ISOC1: variants seen among roughly 807,000 people sequenced by gnomAD.
ISOC1 encodes isochorismatase domain containing 1.
In ISOC1, 33 loss-of-function variants were observed where a neutral mutation model predicts 30.0. That is an observed-to-expected ratio of 1.10 (90% CI 0.83 to 1.47). The LOEUF (loss-of-function observed/expected upper bound fraction) is 1.47. Ranked by LOEUF, ISOC1 falls within the 40% of genes most tolerant of loss-of-function variation. The pLI, the probability that ISOC1 is intolerant of heterozygous loss-of-function variation, is 0.00. For synonymous variants in ISOC1, 178 were observed against 159.8 expected (o/e 1.11, Z -0.86); for missense variants, 372 against 388.0 (o/e 0.96, Z 0.35).
chr5:129,095,094 C>G lies in ISOC1; in HGVS notation c.309+19C>G, dbSNP rs759203970. 3 of 1,526,036 alleles carry G rather than the reference C, an allele frequency of 2.0e-6. No individual in the cohort carries two copies. The African/African-American group carries it at 4.2e-5, about 21-fold the overall frequency. 94.5% of individuals were successfully genotyped at this position (1,526,036 alleles called of 1,614,324 possible). A position where few individuals can be genotyped will look rare whatever the true frequency, so the allele number is the denominator to read the frequency against. The stretch of plus-strand genomic sequence containing the variant: ...GATCCAGGTGGGTCCTGCGGGAGGC[C>G]GCGCGCTTCCCTGTTCCCGAGTCGT... On this transcript the variant is annotated intron_variant, in intron 1 of 4. Coordinates refer to ENST00000173527, the MANE Select transcript of ISOC1 (RefSeq NM_016048.2).
At chr5:129,099,857 A>G (rs560660189) in intron 1 of ISOC1, among the ~76,000 whole-genome samples, 25 of 152,348 alleles carry the variant, frequency 1.6e-4, no homozygotes, top group African/African-American at 5.5e-4. Context: ...TGATGTAGAT[A>G]CTATTTTTCT....
chr5:129,095,105 C>T, intron 1 of ISOC1, 30 bp downstream of exon 1: 1 of 1,515,182 alleles, frequency 6.6e-7, no homozygotes, highest in Non-Finnish European at 8.8e-7. Context: ...GCGCGCTTCC[C>T]TGTTCCCGAG....
At position 129,107,020 on chromosome 5, in the gene ISOC1, C is replaced by A; in HGVS notation, c.708C>A (p.Ala236=). The change falls in exon 4 of 5, where the codon GCC becomes GCA. Residue 236 remains alanine (A), a synonymous_variant. Coordinates refer to ENST00000173527, the MANE Select transcript of ISOC1 (RefSeq NM_016048.2). The part of the protein sequence containing the change: ...RGVEVHIVAD[A]TSSRSMMDRM... ...TCGAGGTTCACATTGTTGCTGATGC[C>A]ACCTCATCAAGAAGCATGATGGACA... The A allele has an allele frequency of 6.2e-7, 1 of 1,613,794 alleles. No homozygotes were observed. The highest frequency in any genetic ancestry group is 8.5e-7 in the Non-Finnish European group (1 of 1,179,804).
chr5:129,112,886 CG>C lies in ISOC1; in HGVS notation c.783del (p.Ser262ValfsTer9), dbSNP rs1561424657. On this transcript the variant is annotated frameshift_variant, in exon 5 of 5. Transcript: ENST00000173527. LOFTEE classifies it high-confidence loss of function. ...GCTCGAACCGGGATCATAGTGACCA[CG>C]AGTGAGGCTGTTCTGCTTCAGCTGG... is the stretch of plus-strand genomic sequence containing the variant. ...RLARTGIIVTTSEAVLLQLVA... is the reference protein window; with the variant it reads ...RLARTGIIVTXSEAVLLQLVA... 1 of 1,613,542 alleles carries C rather than the reference CG, an allele frequency of 6.2e-7. No homozygotes were observed. Among genetic ancestry groups the C allele is most frequent in the South Asian group, 1.1e-5 (1 of 91,020 alleles).
chr5:129,103,481 A>G (rs141097517), intron 1 of ISOC1, among the ~76,000 whole-genome samples: 2 of 152,324 alleles, frequency 1.3e-5, no homozygotes, highest in African/African-American at 4.8e-5. Context: ...CTCACATTCT[A>G]ACATGAATTT....
chr5:129,105,426 T>C (rs2287751), intron 3 of ISOC1, 38 bp downstream of exon 3: 305,863 of 1,529,566 alleles, frequency 0.2, 31,320 homozygotes, highest in South Asian at 0.24. Context: ...ACAATATTAT[T>C]TATAGAAAAC....
intron 4 of ISOC1, among the ~76,000 whole-genome samples, chr5:129,111,991 T>A (rs993835589): frequency 6.6e-6 from 1 of 152,190 alleles, no homozygotes; most frequent in Admixed American, 6.5e-5. Flanking sequence ...AGAGCTCTTT[T>A]AGCACCAGTC....
chr5:129,109,032 C>CT (rs1375975265), intron 4 of ISOC1, among the ~76,000 whole-genome samples: 8 of 152,200 alleles, frequency 5.3e-5, no homozygotes, highest in Non-Finnish European at 1.0e-4. Context: ...TAAAAAAGGA[C>CT]TTTTTTCAAG....
intron 1 of ISOC1, 38 bp from the exon 2 acceptor site, chr5:129,104,918 C>T (rs531240333): frequency 1.9e-6 from 3 of 1,599,858 alleles, no homozygotes; most frequent in South Asian, 2.2e-5. Context: ...TGTCATTGTA[C>T]AACAAGTGCT....
intron 1 of ISOC1, among the ~76,000 whole-genome samples, chr5:129,095,293 C>T (rs2150169224): frequency 6.6e-6 from 1 of 152,354 alleles, no homozygotes; most frequent in African/African-American, 2.4e-5. Flanking sequence ...CTGTCCCCGG[C>T]GGGGGCGTGG....
In ISOC1 at chr5:129,095,129, C is replaced by CGTCCCT. The variant is rs1038168367; in HGVS notation, c.309+60_309+65dup. 6.9e-6 allele frequency: 10 copies of CGTCCCT among 1,458,760 alleles called. No individual in the cohort carries two copies. In the African/African-American group the frequency reaches 1.1e-4, roughly 17 times the overall value. 90.4% of individuals were successfully genotyped at this position (1,458,760 alleles called of 1,614,324 possible). On this transcript the variant is annotated intron_variant, in intron 1 of 4. Transcript: ENST00000173527. The stretch of plus-strand genomic sequence containing the variant: ...CCTGTTCCCGAGTCGTCCCCGTCCC[C>CGTCCCT]GTCCCTGTCCCCGCCTTCGCCGCGC...
Position 129,095,052 on chromosome 5 carries a change from C to G in ISOC1, c.286C>G (p.Arg96Gly), listed in dbSNP as rs1234635542. The stretch of plus-strand genomic sequence containing the variant: ...CGCGGTGAGCGAGCGCTGCAAGGTG[C>G]GCCTCGTGCCGTTGCAGATCCAGGT... The part of the protein sequence containing the change: ...GFAVSERCKV[R>G]LVPLQIQLTT... Residue 96 changes from arginine to glycine, a missense_variant, in exon 1 of 5, where the codon CGC becomes GGC. By Grantham distance (125) the Arg-to-Gly change is moderately radical (BLOSUM62 -2). Transcript: ENST00000173527. 1 of 1,582,754 alleles carries G rather than the reference C, an allele frequency of 6.3e-7. No homozygotes were observed. Among genetic ancestry groups the G allele is most frequent in the South Asian group, 1.1e-5 (1 of 88,234 alleles).
chr5:129,111,288 G>GT (rs530351044), intron 4 of ISOC1, among the ~76,000 whole-genome samples: 110 of 151,350 alleles, frequency 7.3e-4, no homozygotes, highest in Middle Eastern at 3.4e-3. Flanking sequence ...GTTTTATTTT[G>GT]TTTTTTTTAA....
intron 4 of ISOC1, among the ~76,000 whole-genome samples, chr5:129,110,723 T>C (rs1407034237): frequency 6.6e-6 from 1 of 152,176 alleles, no homozygotes; most frequent in East Asian, 1.9e-4. Context: ...GTGCTGGGCA[T>C]TGTAGACAGG....
chr5:129,111,348 G>T (rs538676407), intron 4 of ISOC1, among the ~76,000 whole-genome samples: 1 of 151,722 alleles, frequency 6.6e-6, no homozygotes, highest in Non-Finnish European at 1.5e-5. Context: ...TTTCTGTACT[G>T]GTCATTAAGG....
At chr5:129,097,934 A>G (rs1447399273) in intron 1 of ISOC1, among the ~76,000 whole-genome samples, 1 of 152,138 alleles carries the variant, frequency 6.6e-6, no homozygotes, top group Non-Finnish European at 1.5e-5. Context: ...CCTATCGGTG[A>G]GTCCATGTTA....
In ISOC1 at chr5:129,105,355, C is replaced by T. The variant is rs200248985; in HGVS notation, c.600C>T (p.Pro200=). The change falls in exon 3 of 5, where the codon CCC becomes CCT. Residue 200 remains proline, a synonymous_variant. Coordinates refer to ENST00000173527, the MANE Select transcript of ISOC1 (RefSeq NM_016048.2). The stretch of plus-strand genomic sequence containing the variant: ...TAGAAGCGGCATTAGCAGAGATTCC[C>T]GGAGTCAGGAGTGTTGTATTATTTG... ...PEVEAALAEI[P]GVRSVVLFGV... The T allele has an allele frequency of 5.5e-5, 89 of 1,613,484 alleles. No homozygotes were observed. Among genetic ancestry groups the T allele is most frequent in the South Asian group, 2.9e-4 (26 of 91,058 alleles).
chr5:129,099,631 A>G (rs184122498), intron 1 of ISOC1, among the ~76,000 whole-genome samples: 1 of 152,320 alleles, frequency 6.6e-6, no homozygotes, highest in East Asian at 1.9e-4. Flanking sequence ...ATATTATGTT[A>G]ACATAACAAG....
In ISOC1 at chr5:129,104,960, C is replaced by T. The variant is rs745680502; in HGVS notation, c.314C>T (p.Thr105Ile). The change falls in exon 2 of 5, where the codon ACT becomes ATT. Residue 105 changes from threonine (T) to isoleucine (I), a missense_variant. Transcript: ENST00000173527. ...TTCTTTTTCTTTTTTCCTCAGCTCA[C>T]TACCCTGGGAAATCTTACACCTTCA... ...VRLVPLQIQL[T>I]TLGNLTPSST... 15 of 1,613,148 alleles carry T rather than the reference C, an allele frequency of 9.3e-6. No homozygotes were observed. In the Admixed American group the frequency reaches 2.5e-4, roughly 27 times the overall value.
Sources: gnomAD v4.1 joint callset for allele counts (sites outside exome capture counted in the v4.1 genomes callset) on GRCh38, gnomAD v4.1.1 for gene constraint, MANE v1.5 for transcripts, NCBI Gene and HGNC (gene_info 2026-07-23, HGNC 2026-07-21) for gene names.